ERBB4: variants seen among roughly 807,000 people sequenced by gnomAD.
The protein encoded by ERBB4 is receptor tyrosine-protein kinase erbB-4.
In ERBB4, 42 loss-of-function variants were observed where a neutral mutation model predicts 158.0. The ratio of observed to expected loss-of-function variants is 0.27; its 90% CI spans 0.21 to 0.34. The LOEUF is 0.34. Among genes scored for constraint, ERBB4 ranks in the 10% least tolerant of loss-of-function variants. ERBB4 has a pLI of 1.00. For synonymous variants in ERBB4, 583 were observed against 558.7 expected, an observed-to-expected ratio of 1.04 and a Z score of -0.61; for missense variants, 1,333 against 1,624.1, an observed-to-expected ratio of 0.82 and a Z score of 3.08.
chr2:211,817,885 G>A (rs1445245366), intron 3 of ERBB4, among the ~76,000 whole-genome samples: 1 of 152,118 alleles, frequency 6.6e-6, no homozygotes, highest in African/African-American at 2.4e-5. Context: ...AAGAATTTGG[G>A]ACCCCAACAT....
intron 2 of ERBB4, among the ~76,000 whole-genome samples, chr2:212,071,849 C>T (rs1382593538): frequency 6.6e-6 from 1 of 151,964 alleles, no homozygotes; most frequent in African/African-American, 2.4e-5. Context: ...AGTAATTTCA[C>T]TTGATTGGAG....
intron 3 of ERBB4, among the ~76,000 whole-genome samples, chr2:211,906,979 T>A (rs922957305): frequency 3.3e-5 from 5 of 151,626 alleles, no homozygotes; most frequent in African/African-American, 9.7e-5. Context: ...TACCAGCGCT[T>A]GATTGTGCCA....
intron 1 of ERBB4, among the ~76,000 whole-genome samples, chr2:212,135,117 T>C (rs1479213504): frequency 1.3e-5 from 2 of 152,200 alleles, no homozygotes; most frequent in Non-Finnish European, 2.9e-5. Context: ...GATAAATCAA[T>C]ATATTATATA....
intron 1 of ERBB4, among the ~76,000 whole-genome samples, chr2:212,210,991 T>G (rs545407562): frequency 1.4e-4 from 22 of 152,246 alleles, no homozygotes; most frequent in African/African-American, 5.3e-4. Context: ...TGTTTTTCCT[T>G]ATGCACTCCT....
At chr2:211,454,586 G>A (rs1414736058) in intron 20 of ERBB4, among the ~76,000 whole-genome samples, 1 of 152,114 alleles carries the variant, frequency 6.6e-6, no homozygotes, top group Admixed American at 6.5e-5. Context: ...GGTTTTTAAG[G>A]TGATGTGAGT....
chr2:211,632,406 T>A (rs951709628), intron 16 of ERBB4, among the ~76,000 whole-genome samples: 1 of 152,098 alleles, frequency 6.6e-6, no homozygotes, highest in African/African-American at 2.4e-5. Context: ...GTCATATTTT[T>A]GTTTTCTCAG....
At chr2:212,514,752 C>T (rs1177755069) in intron 1 of ERBB4, among the ~76,000 whole-genome samples, 1 of 152,126 alleles carries the variant, frequency 6.6e-6, no homozygotes, top group Non-Finnish European at 1.5e-5. Flanking sequence ...TTGCAGTGAG[C>T]AGAGATCGCA....
chr2:212,200,617 G>A (rs946999842), intron 1 of ERBB4, among the ~76,000 whole-genome samples: 1 of 152,114 alleles, frequency 6.6e-6, no homozygotes, highest in Non-Finnish European at 1.5e-5. Flanking sequence ...AAATATAAAA[G>A]TAGTGCTACA....
chr2:212,102,090 T>TTATATATATATATA (rs57567965), intron 2 of ERBB4, among the ~76,000 whole-genome samples: 5,974 of 107,664 alleles, frequency 0.055, 435 homozygotes, highest in Non-Finnish European at 0.092. Flanking sequence ...AAAATTTATT[T>TTATATATATATATA]TATATATATA....
At chr2:211,715,560 G>A (rs1444641522) in intron 7 of ERBB4, among the ~76,000 whole-genome samples, 4 of 152,146 alleles carry the variant, frequency 2.6e-5, no homozygotes, top group African/African-American at 4.8e-5. Context: ...GTGTGACCTG[G>A]AGGGAGGTGA....
chr2:212,155,666 AC>A (rs2081014528), intron 1 of ERBB4, among the ~76,000 whole-genome samples: 1 of 152,022 alleles, frequency 6.6e-6, no homozygotes, highest in Admixed American at 6.6e-5. Flanking sequence ...AAAAAAATAC[AC>A]CTTCATTTTC....
intron 3 of ERBB4, among the ~76,000 whole-genome samples, chr2:211,903,584 T>C (rs1396807128): frequency 6.6e-6 from 1 of 152,012 alleles, no homozygotes; most frequent in Non-Finnish European, 1.5e-5. Flanking sequence ...AATTTAAATT[T>C]TGCACACATG....
In ERBB4 at chr2:211,595,793, G is replaced by C. The variant is rs1299494664; in HGVS notation, c.2301+23384C>G. 3.9e-5 allele frequency among the ~76,000 whole-genome samples: 6 copies of C among 152,286 alleles called. 1 individual carries two copies. In the Middle Eastern group the frequency reaches 0.01, roughly 259 times the overall value. On this transcript the variant is annotated intron_variant, in intron 19 of 27. Transcript: ENST00000342788. ...ATAGTATTGCTGAGAAGCAAATCAT[G>C]CAGATATGAAAGGGTCAAGTTTTTG...
At chr2:211,572,069 A>T (rs1019626676) in intron 19 of ERBB4, among the ~76,000 whole-genome samples, 2 of 152,130 alleles carry the variant, frequency 1.3e-5, no homozygotes, top group Non-Finnish European at 2.9e-5. Flanking sequence ...TTAATTGCTT[A>T]TCCCAGTGTA....
chr2:212,395,998 T>C (rs2091015087), intron 1 of ERBB4, among the ~76,000 whole-genome samples: 1 of 152,134 alleles, frequency 6.6e-6, no homozygotes, highest in Admixed American at 6.6e-5. Flanking sequence ...GAGTCTTATA[T>C]AGGAGTGGTG....
At chr2:212,515,545 GTATA>G (rs1163416545) in intron 1 of ERBB4, among the ~76,000 whole-genome samples, 18 of 151,408 alleles carry the variant, frequency 1.2e-4, no homozygotes, top group Non-Finnish European at 2.5e-4. Context: ...ATAACCCTCA[GTATA>G]TATAATTCTT....
intron 1 of ERBB4, among the ~76,000 whole-genome samples, chr2:212,225,994 T>C (rs2083454823): frequency 1.3e-5 from 2 of 152,186 alleles, no homozygotes; most frequent in South Asian, 4.1e-4. Flanking sequence ...ATCAGTTGAC[T>C]TTGATGTAAT....
At position 212,130,912 on chromosome 2, in the gene ERBB4, A is replaced by C. The variant is rs1393876841; in HGVS notation, c.83-6009T>G. Among the ~76,000 whole-genome samples the C allele has an allele frequency of 4.6e-5, 7 of 152,328 alleles. No homozygotes were observed. The East Asian group carries it at 1.2e-3, about 25-fold the overall frequency. On this transcript the variant is annotated intron_variant, in intron 1 of 27. Transcript: ENST00000342788. ...CTACATAAAATATGGAACTTGATAA[A>C]AAATTCTTTTGCTGATTTAACACCA...
At chr2:211,756,124 G>A (rs1313376782) in intron 4 of ERBB4, among the ~76,000 whole-genome samples, 1 of 152,002 alleles carries the variant, frequency 6.6e-6, no homozygotes, top group African/African-American at 2.4e-5. Context: ...CAGGGAGGGG[G>A]GATAAAAAGA....
Sources: allele counts gnomAD v4.1 joint callset (sites outside exome capture counted in the v4.1 genomes callset), GRCh38; gene constraint gnomAD v4.1.1; transcripts MANE v1.5; gene names NCBI Gene and HGNC (gene_info 2026-07-23, HGNC 2026-07-21).